NRXN3: variants seen among roughly 807,000 people sequenced by gnomAD.
The protein encoded by NRXN3 is neurexin III.
Under a neutral mutation model 137.6 loss-of-function variants are expected in NRXN3, and 32 were observed. The observed-to-expected ratio is 0.23, with a 90% CI of 0.18 to 0.31. The LOEUF is 0.31. NRXN3 is among the 10% of genes least tolerant of loss of function. The pLI is 1.00. For synonymous variants in NRXN3, 798 were observed against 784.5 expected (o/e 1.02, Z -0.29); for missense variants, 1,574 against 2,062.5 (o/e 0.76, Z 4.59).
chr14:79,371,511 G>A (rs2094109117), intron 15 of NRXN3, among the ~76,000 whole-genome samples: 1 of 151,872 alleles, frequency 6.6e-6, no homozygotes, highest in Non-Finnish European at 1.5e-5. Flanking sequence ...CCAAATAAAT[G>A]TCTTTTTTTA....
chr14:79,203,355 A>AAT (rs2066331075), intron 15 of NRXN3, among the ~76,000 whole-genome samples: 1 of 152,248 alleles, frequency 6.6e-6, no homozygotes, highest in South Asian at 2.1e-4. Context: ...CAAGCAAGAT[A>AAT]ATATATATAC....
chr14:78,753,105 A>G (rs887178411), intron 8 of NRXN3, among the ~76,000 whole-genome samples: 1 of 152,170 alleles, frequency 6.6e-6, no homozygotes, highest in South Asian at 2.1e-4. Flanking sequence ...TCTGTAAGTG[A>G]CCAGCCACTC....
chr14:78,954,917 G>A (rs546571150), intron 10 of NRXN3, among the ~76,000 whole-genome samples: 3 of 152,128 alleles, frequency 2.0e-5, no homozygotes, highest in African/African-American at 7.2e-5. Context: ...ACCTCCAAAC[G>A]TTAGCATCAC....
chr14:79,260,004 T>C (rs1364632241), intron 15 of NRXN3, among the ~76,000 whole-genome samples: 1 of 152,158 alleles, frequency 6.6e-6, no homozygotes, highest in Non-Finnish European at 1.5e-5. Context: ...CAGAGCATAA[T>C]TGCTGATAAA....
At chr14:79,226,730 A>G (rs1458251757) in intron 15 of NRXN3, among the ~76,000 whole-genome samples, 1 of 151,984 alleles carries the variant, frequency 6.6e-6, no homozygotes, top group African/African-American at 2.4e-5. Context: ...TTTATACCCA[A>G]TGTGGACACA....
At chr14:78,478,245 T>C (rs1309370251) in intron 4 of NRXN3, among the ~76,000 whole-genome samples, 2 of 152,062 alleles carry the variant, frequency 1.3e-5, no homozygotes, top group African/African-American at 4.8e-5. Context: ...ACTCAAACAG[T>C]ATGAGCCAGT....
chr14:78,503,187 C>A (rs1184750824), intron 4 of NRXN3, among the ~76,000 whole-genome samples: 1 of 152,134 alleles, frequency 6.6e-6, no homozygotes, highest in African/African-American at 2.4e-5. Flanking sequence ...TAGCATAATA[C>A]CTAAGGGCAA....
chr14:79,112,851 C>T (rs950023791), intron 15 of NRXN3, among the ~76,000 whole-genome samples: 1 of 152,140 alleles, frequency 6.6e-6, no homozygotes, highest in African/African-American at 2.4e-5. Flanking sequence ...ATAGAATTTA[C>T]AGCCAAATGA....
chr14:78,836,454 C>T (rs978157044), intron 10 of NRXN3, among the ~76,000 whole-genome samples: 1 of 152,202 alleles, frequency 6.6e-6, no homozygotes, highest in African/African-American at 2.4e-5. Context: ...GTTTCCTCAG[C>T]TCCATGCTCA....
intron 19 of NRXN3, among the ~76,000 whole-genome samples, chr14:79,737,645 C>T (rs2098946669): frequency 6.6e-6 from 1 of 152,028 alleles, no homozygotes; most frequent in East Asian, 1.9e-4. Flanking sequence ...TTAATGTCAC[C>T]AGTGGGAATT....
chr14:79,458,368 G>A (rs555270500), intron 15 of NRXN3, among the ~76,000 whole-genome samples: 9 of 152,226 alleles, frequency 5.9e-5, no homozygotes, highest in Admixed American at 2.6e-4. Flanking sequence ...TAACTGATGA[G>A]CATTTATAAA....
At chr14:78,875,712 T>G (rs984067134) in intron 10 of NRXN3, among the ~76,000 whole-genome samples, 11 of 152,238 alleles carry the variant, frequency 7.2e-5, no homozygotes, top group African/African-American at 1.9e-4. Context: ...CTGAAAATGC[T>G]TTCTCAACCC....
At chr14:79,717,176 C>A (rs545643182) in intron 19 of NRXN3, among the ~76,000 whole-genome samples, 1 of 152,300 alleles carries the variant, frequency 6.6e-6, no homozygotes, top group South Asian at 2.1e-4. Flanking sequence ...TTTGAAGATG[C>A]ATTTGAACTG....
At chr14:78,933,591 C>CA in intron 10 of NRXN3, among the ~76,000 whole-genome samples, 1 of 152,258 alleles carries the variant, frequency 6.6e-6, no homozygotes, top group African/African-American at 2.4e-5. Flanking sequence ...TAGTGTACAA[C>CA]ATGATGCTTC....
intron 15 of NRXN3, among the ~76,000 whole-genome samples, chr14:79,059,250 C>CTTT (rs869266975): frequency 4.1e-4 from 32 of 78,272 alleles, no homozygotes; most frequent in African/African-American, 8.2e-4. Flanking sequence ...AGGCCCTATT[C>CTTT]TTTTTTTTTT....
intron 19 of NRXN3, among the ~76,000 whole-genome samples, chr14:79,781,133 A>T (rs1433237846): frequency 6.6e-6 from 1 of 152,176 alleles, no homozygotes; most frequent in Non-Finnish European, 1.5e-5. Flanking sequence ...AGGAATTAAT[A>T]TAGCTTTGTC....
At chr14:79,146,538 G>T (rs765268263) in intron 15 of NRXN3, among the ~76,000 whole-genome samples, 1 of 152,006 alleles carries the variant, frequency 6.6e-6, no homozygotes, top group Non-Finnish European at 1.5e-5. Flanking sequence ...GTGTAGAGTT[G>T]TCAGGAGTGG....
At chr14:79,044,725 A>G (rs2099630344) in intron 15 of NRXN3, among the ~76,000 whole-genome samples, 1 of 151,710 alleles carries the variant, frequency 6.6e-6, no homozygotes, top group African/African-American at 2.4e-5. Context: ...ACACACACAT[A>G]TATACCACAC....
chr14:79,687,619 A>T (rs2098700667), intron 17 of NRXN3, among the ~76,000 whole-genome samples: 1 of 152,200 alleles, frequency 6.6e-6, no homozygotes, highest in South Asian at 2.1e-4. Flanking sequence ...AAAATTCAAA[A>T]ATGCCTTTGG....
Sources: allele counts gnomAD v4.1 joint callset (sites outside exome capture counted in the v4.1 genomes callset), GRCh38; gene constraint gnomAD v4.1.1; transcripts MANE v1.5; gene names NCBI Gene and HGNC (gene_info 2026-07-23, HGNC 2026-07-21).